Variants in CSNK1G1 observed in about 807,000 individuals in gnomAD.
CSNK1G1 encodes the protein casein kinase 1 gamma 1, also known as casein kinase I isoform gamma-1.
In CSNK1G1, 22 loss-of-function variants were observed where a neutral mutation model predicts 59.6. The ratio of observed to expected loss-of-function variants is 0.37; its 90% CI spans 0.26 to 0.53. The LOEUF (loss-of-function observed/expected upper bound fraction) is 0.53, where lower values mean the gene tolerates loss of function less well. Ranked by LOEUF, CSNK1G1 falls within the 20% of genes least tolerant of loss-of-function variation. CSNK1G1 has a pLI of 0.89. For missense variants in CSNK1G1, 384 were observed against 519.5 expected, an observed-to-expected ratio of 0.74 and a Z score of 2.54; for synonymous variants, 179 against 177.1, an observed-to-expected ratio of 1.01 and a Z score of -0.08.
intron 10 of CSNK1G1, among the ~76,000 whole-genome samples, chr15:64,184,058 T>C (rs1044855050): frequency 3.9e-5 from 6 of 152,018 alleles, no homozygotes; most frequent in East Asian, 1.9e-4. Context: ...AATCCCAGCA[T>C]TTTGGGAGGC....
At chr15:64,340,929 A>G (rs1466827582) in intron 1 of CSNK1G1, among the ~76,000 whole-genome samples, 1 of 152,120 alleles carries the variant, frequency 6.6e-6, no homozygotes, top group East Asian at 1.9e-4. Context: ...CGGCACTCCA[A>G]CCTGGGCAAT....
At position 64,325,123 on chromosome 15, in the gene CSNK1G1, T is replaced by C. The variant is rs1896776181; in HGVS notation, c.-224-24400A>G. On this transcript the variant is annotated intron_variant, in intron 1 of 11. Transcript: ENST00000303052. ...TGTTGTTTTCAGTATTTGTGACATC[T>C]GGGTAGTGGACACTTTTTCCTATAA... Among the ~76,000 whole-genome samples the C allele has an allele frequency of 2.0e-5, 3 of 152,224 alleles. 1 individual carries two copies. The South Asian group carries it at 6.2e-4, about 31-fold the overall frequency.
In CSNK1G1 at chr15:64,193,470, C is replaced by T. The variant is rs187330049; in HGVS notation, c.1107+9612G>A. Among the ~76,000 whole-genome samples, 354 of 129,438 alleles carry T rather than the reference C, an allele frequency of 2.7e-3. 1 individual carries two copies. Among genetic ancestry groups the T allele is most frequent in the African/African-American group, 0.011 (344 of 32,446 alleles). 84.9% of individuals were successfully genotyped at this position (129,438 alleles called of 152,430 possible). On this transcript the variant is annotated intron_variant, in intron 10 of 11. Transcript: ENST00000303052. ...TCGCGCCACTGCACTCCAGCCTGGG[C>T]AACAGAGTGAGACTCTGTCTCAAAA...
chr15:64,256,830 C>T (rs1892402342), intron 3 of CSNK1G1, among the ~76,000 whole-genome samples: 1 of 152,032 alleles, frequency 6.6e-6, no homozygotes, highest in South Asian at 2.1e-4. Flanking sequence ...AGCAGAGCTT[C>T]CTTGCATTTC....
chr15:64,302,097 A>C lies in CSNK1G1; in HGVS notation c.-224-1374T>G, dbSNP rs1035915449. ...TCCAATAATACAATCTGTTTGCTTT[A>C]TTTATTTATTTATTTATTTTTGAGA... On this transcript the variant is annotated intron_variant, in intron 1 of 11. Transcript: ENST00000303052. 2.6e-5 allele frequency among the ~76,000 whole-genome samples: 4 copies of C among 151,938 alleles called. No individual in the cohort carries two copies. In the East Asian group the frequency reaches 7.7e-4, roughly 29 times the overall value.
chr15:64,243,289 T>C (rs1223983611), intron 4 of CSNK1G1, among the ~76,000 whole-genome samples: 1 of 151,922 alleles, frequency 6.6e-6, no homozygotes, highest in African/African-American at 2.4e-5. Context: ...TGAGCCAAGA[T>C]TGCGCCACTG....
intron 9 of CSNK1G1, 152 bp from the exon 10 acceptor site, chr15:64,203,341 C>T (rs942024127): frequency 2.2e-5 from 14 of 645,420 alleles, no homozygotes; most frequent in Non-Finnish European, 3.6e-5. Context: ...TCAGTTTGCT[C>T]ATCTGCAAAA....
Position 64,170,453 on chromosome 15 carries a change from A to T in CSNK1G1, c.*1478T>A, listed in dbSNP as rs1164538418. 1 of 152,652 alleles carries T rather than the reference A, an allele frequency of 6.6e-6. No homozygotes were observed. The highest frequency in any genetic ancestry group is 1.5e-5 in the Non-Finnish European group (1 of 68,064). The allele number at this position is 152,652 out of a possible 1,614,324, so 9.5% of individuals were successfully genotyped here. A position where few individuals can be genotyped will look rare whatever the true frequency, so the allele number is the denominator to read the frequency against. The stretch of plus-strand genomic sequence containing the variant: ...TCCCTCCTTTTAAATGCGGCCCCAT[A>T]TACTGCATCCTAAGCCTACTGCTAT... On this transcript the variant is annotated 3_prime_UTR_variant, in exon 12 of 12. Transcript: ENST00000303052.
chr15:64,294,729 G>C (rs986019820), intron 2 of CSNK1G1, among the ~76,000 whole-genome samples: 1 of 151,076 alleles, frequency 6.6e-6, no homozygotes, highest in Non-Finnish European at 1.5e-5. Flanking sequence ...TGGCCAACAT[G>C]GTGAAACCCC....
chr15:64,336,954 G>A (rs1390207045), intron 1 of CSNK1G1, among the ~76,000 whole-genome samples: 3 of 152,044 alleles, frequency 2.0e-5, no homozygotes, highest in African/African-American at 2.4e-5. Flanking sequence ...TCGGCCGGGC[G>A]CAGTGGCTCA....
At chr15:64,355,913 C>T (rs1030013718) in intron 1 of CSNK1G1, 75 bp downstream of exon 1, 3 of 152,312 alleles carry the variant, frequency 2.0e-5, no homozygotes, top group Non-Finnish European at 2.9e-5. Flanking sequence ...AAAGGGCCCC[C>T]CACCAACCCC....
chr15:64,194,722 G>A (rs1176332378), intron 10 of CSNK1G1, among the ~76,000 whole-genome samples: 2 of 151,862 alleles, frequency 1.3e-5, no homozygotes, highest in Non-Finnish European at 2.9e-5. Flanking sequence ...CACCATGTTG[G>A]TCAGGCCGGT....
intron 6 of CSNK1G1, among the ~76,000 whole-genome samples, chr15:64,213,545 A>C (rs1329103674): frequency 6.6e-5 from 10 of 152,186 alleles, no homozygotes; most frequent in Non-Finnish European, 1.5e-5. Flanking sequence ...ACCCAGCCTG[A>C]TGTCCTCTTC....
At position 64,354,187 on chromosome 15, in the gene CSNK1G1, C is replaced by A. The variant is rs186189855; in HGVS notation, c.-225+1801G>T. Among the ~76,000 whole-genome samples the A allele has an allele frequency of 3.0e-3, 463 of 152,218 alleles. 1 individual carries two copies. The highest frequency in any genetic ancestry group is 0.011 in the African/African-American group (446 of 41,538). ...GGGTGTAGTGGCAGGCGCCTGTGAT[C>A]CCAGCTACTCAGGAGGCTGAGGCAG... On this transcript the variant is annotated intron_variant, in intron 1 of 11. Coordinates refer to ENST00000303052, the MANE Select transcript of CSNK1G1 (RefSeq NM_022048.5).
chr15:64,277,200 C>A (rs1197617301), intron 2 of CSNK1G1, among the ~76,000 whole-genome samples: 1 of 152,138 alleles, frequency 6.6e-6, no homozygotes, highest in Non-Finnish European at 1.5e-5. Flanking sequence ...TGCTGTGGCA[C>A]AAACCTGTAA....
chr15:64,282,915 G>C (rs1208225392), intron 2 of CSNK1G1, among the ~76,000 whole-genome samples: 1 of 152,136 alleles, frequency 6.6e-6, no homozygotes, highest in Non-Finnish European at 1.5e-5. Context: ...TGAGCATCAA[G>C]TCATATGCTT....
At chr15:64,230,328 A>G (rs1045887007) in intron 4 of CSNK1G1, among the ~76,000 whole-genome samples, 15 of 150,542 alleles carry the variant, frequency 1.0e-4, no homozygotes, top group Non-Finnish European at 1.6e-4. Flanking sequence ...TCAGGGTCTC[A>G]CTCTATCACC....
intron 2 of CSNK1G1, among the ~76,000 whole-genome samples, chr15:64,273,902 A>T (rs1893464257): frequency 6.6e-6 from 1 of 152,252 alleles, no homozygotes; most frequent in African/African-American, 2.4e-5. Context: ...AGGAGAGTAA[A>T]CAATATCATT....
In CSNK1G1 at chr15:64,167,938, ACATTAT is replaced by A. The variant is rs2081620894; in HGVS notation, c.*3987_*3992del. On this transcript the variant is annotated 3_prime_UTR_variant, in exon 12 of 12. Transcript: ENST00000303052. ...AATCTTTAGTAACCACTTTGACGTT[ACATTAT>A]CATTGTTACATATTTCTGGCATTAA... The A allele has an allele frequency of 6.6e-6, 1 of 152,266 alleles. No homozygotes were observed. The highest frequency in any genetic ancestry group is 2.4e-5 in the African/African-American group (1 of 41,472). The allele number at this position is 152,266 out of a possible 1,614,324, so 9.4% of individuals were successfully genotyped here.
Sources: allele counts gnomAD v4.1 joint callset (sites outside exome capture counted in the v4.1 genomes callset), GRCh38; gene constraint gnomAD v4.1.1; transcripts MANE v1.5; gene names NCBI Gene and HGNC (gene_info 2026-07-23, HGNC 2026-07-21).